The following EXOC4 variants were observed in gnomAD, a reference collection of about 807,000 sequenced individuals.
EXOC4 encodes SEC8-like 1.
Under a neutral mutation model 107.2 loss-of-function variants are expected in EXOC4, and 71 were observed. The ratio of observed to expected loss-of-function variants is 0.66; its 90% CI spans 0.55 to 0.81. The LOEUF is 0.81. EXOC4 is among the 30% of genes least tolerant of loss of function. EXOC4 has a pLI of 0.00. For missense variants in EXOC4, 1,108 were observed against 1,189.6 expected, an observed-to-expected ratio of 0.93 and a Z score of 1.01; for synonymous variants, 456 against 441.2, an observed-to-expected ratio of 1.03 and a Z score of -0.42.
In EXOC4 at chr7:133,516,758, AT is replaced by A. The variant is rs780319592; in HGVS notation, c.1417+36634del. Among the ~76,000 whole-genome samples the A allele has an allele frequency of 1.6e-4, 8 of 49,044 alleles. 1 individual carries two copies. The highest frequency in any genetic ancestry group is 1.1e-3 in the South Asian group (1 of 888). 32.2% of individuals were successfully genotyped at this position (49,044 alleles called of 152,430 possible). Reference sequence around the variant, plus strand: ...TGGGAAACTGCCAAACTAGCTGCTCATTTTTTTTTTTTTTACAGAATTTATA... The same window carrying A: ...TGGGAAACTGCCAAACTAGCTGCTCATTTTTTTTTTTTTACAGAATTTATA... On this transcript the variant is annotated intron_variant, in intron 9 of 17. Coordinates refer to ENST00000253861, the MANE Select transcript of EXOC4 (RefSeq NM_021807.4).
At chr7:133,930,760 G>A (rs1280912218) in intron 13 of EXOC4, 1 of 151,996 alleles carries the variant, frequency 6.6e-6, no homozygotes, top group Non-Finnish European at 1.5e-5. Context: ...TGATGTTTGT[G>A]TGTGTGTGTA....
intron 11 of EXOC4, among the ~76,000 whole-genome samples, chr7:133,842,266 A>G (rs988287219): frequency 1.3e-5 from 2 of 152,220 alleles, no homozygotes; most frequent in African/African-American, 2.4e-5. Context: ...TTACATTTTC[A>G]TCAGCAGTGT....
chr7:134,086,311 A>G, the EXOC4 span, among the ~76,000 whole-genome samples: 21 of 152,342 alleles, frequency 1.4e-4, no homozygotes, highest in East Asian at 4.0e-3. Context: ...GAGCACTGAC[A>G]TGATGCCATG....
the EXOC4 span, among the ~76,000 whole-genome samples, chr7:134,084,730 A>AT: frequency 6.7e-6 from 1 of 150,362 alleles, no homozygotes; most frequent in African/African-American, 2.5e-5. Context: ...AAAAAAAAAA[A>AT]TTCACCAAAA....
chr7:134,091,746 C>T, the EXOC4 span, among the ~76,000 whole-genome samples: 1 of 152,224 alleles, frequency 6.6e-6, no homozygotes, highest in South Asian at 2.1e-4. Context: ...TGCTCCAGAT[C>T]TTCTAGTAGC....
At chr7:133,285,482 T>C (rs1372034949) in intron 2 of EXOC4, among the ~76,000 whole-genome samples, 1 of 152,232 alleles carries the variant, frequency 6.6e-6, no homozygotes, top group African/African-American at 2.4e-5. Context: ...ATTTTGAAGG[T>C]ATATCATTCC....
chr7:133,603,141 G>A (rs1801847133), intron 9 of EXOC4, among the ~76,000 whole-genome samples: 2 of 151,910 alleles, frequency 1.3e-5, no homozygotes, highest in African/African-American at 4.8e-5. Flanking sequence ...TCATCTGCTG[G>A]TCTTTTACCT....
chr7:133,254,660 T>A (rs1463134202), intron 1 of EXOC4, among the ~76,000 whole-genome samples: 1 of 151,978 alleles, frequency 6.6e-6, no homozygotes, highest in Non-Finnish European at 1.5e-5. Context: ...ATGCCCTGAG[T>A]TTTGCAAAGA....
chr7:133,796,912 T>A (rs896950357), intron 10 of EXOC4, among the ~76,000 whole-genome samples: 1 of 152,188 alleles, frequency 6.6e-6, no homozygotes, highest in Admixed American at 6.5e-5. Flanking sequence ...GCCGACTTAA[T>A]GGAGTGTCAG....
At chr7:133,419,288 T>C (rs553744778) in intron 7 of EXOC4, among the ~76,000 whole-genome samples, 4 of 151,942 alleles carry the variant, frequency 2.6e-5, no homozygotes, top group African/African-American at 9.7e-5. Context: ...ACTGAAAAAA[T>C]GTCAAGGAAG....
At chr7:133,997,985 A>G (rs1391687910) in intron 15 of EXOC4, among the ~76,000 whole-genome samples, 5 of 152,192 alleles carry the variant, frequency 3.3e-5, no homozygotes, top group African/African-American at 1.2e-4. Context: ...TTATAAATGA[A>G]ATAATAATTA....
At chr7:133,888,993 TGA>T (rs1268726832) in intron 11 of EXOC4, among the ~76,000 whole-genome samples, 1 of 152,248 alleles carries the variant, frequency 6.6e-6, no homozygotes, top group Non-Finnish European at 1.5e-5. Context: ...GATTATTATG[TGA>T]GTCTCAAGTG....
intron 14 of EXOC4, among the ~76,000 whole-genome samples, chr7:133,945,145 T>C (rs761841437): frequency 3.3e-5 from 5 of 152,158 alleles, no homozygotes; most frequent in African/African-American, 7.2e-5. Context: ...TTCCTAGGTA[T>C]GACATGGGCA....
At chr7:133,387,004 C>G (rs914783114) in intron 7 of EXOC4, among the ~76,000 whole-genome samples, 1 of 152,072 alleles carries the variant, frequency 6.6e-6, no homozygotes, top group Non-Finnish European at 1.5e-5. Context: ...TTCTGTTATC[C>G]TATTCATGGT....
intron 9 of EXOC4, among the ~76,000 whole-genome samples, chr7:133,600,554 T>G (rs1801782431): frequency 6.6e-6 from 1 of 152,176 alleles, no homozygotes. Flanking sequence ...ATGTTGCAAA[T>G]TTTCCAGAAC....
At chr7:133,819,104 T>A (rs1057434165) in intron 11 of EXOC4, among the ~76,000 whole-genome samples, 1 of 152,202 alleles carries the variant, frequency 6.6e-6, no homozygotes, top group African/African-American at 2.4e-5. Context: ...TAGCTCCAGC[T>A]CTCACTGGAC....
chr7:133,265,443 A>C (rs971110661), intron 1 of EXOC4, among the ~76,000 whole-genome samples: 33 of 151,828 alleles, frequency 2.2e-4, no homozygotes, highest in African/African-American at 8.0e-4. Flanking sequence ...TCCCAACAAG[A>C]GAGAAGGTAG....
intron 1 of EXOC4, among the ~76,000 whole-genome samples, chr7:133,259,627 GA>G (rs1795097439): frequency 1.3e-5 from 2 of 152,114 alleles, no homozygotes; most frequent in East Asian, 3.9e-4. Flanking sequence ...GTACTCTCAT[GA>G]TAAATAATTC....
chr7:133,358,864 A>G (rs1796080396), intron 6 of EXOC4, among the ~76,000 whole-genome samples: 1 of 152,082 alleles, frequency 6.6e-6, no homozygotes, highest in African/African-American at 2.4e-5. Flanking sequence ...GAAATTCAGC[A>G]CACTGCCCTG....
Sources: gnomAD v4.1 joint callset for allele counts (sites outside exome capture counted in the v4.1 genomes callset) on GRCh38, gnomAD v4.1.1 for gene constraint, MANE v1.5 for transcripts, NCBI Gene and HGNC (gene_info 2026-07-23, HGNC 2026-07-21) for gene names.